SUSD1: variants seen among roughly 807,000 people sequenced by gnomAD.
SUSD1 encodes sushi domain containing 1.
In SUSD1, 65 loss-of-function variants were observed where a neutral mutation model predicts 86.9. The ratio of observed to expected loss-of-function variants is 0.75; its 90% confidence interval spans 0.61 to 0.92. The LOEUF (loss-of-function observed/expected upper bound fraction) is 0.92, where lower values mean the gene tolerates loss of function less well. SUSD1 is among the 40% of genes least tolerant of loss of function. The pLI is 0.00. For synonymous variants in SUSD1, 346 were observed against 350.0 expected (o/e 0.99, Z 0.13); for missense variants, 850 against 929.7 (o/e 0.91, Z 1.11).
At chr9:112,130,288 G>A (rs981270867) in intron 5 of SUSD1, among the ~76,000 whole-genome samples, 7 of 152,040 alleles carry the variant, frequency 4.6e-5, no homozygotes, top group African/African-American at 1.7e-4. Flanking sequence ...CAGGAGGATC[G>A]CTTGAACCTG....
intron 5 of SUSD1, among the ~76,000 whole-genome samples, chr9:112,125,974 T>G: frequency 6.6e-6 from 1 of 152,226 alleles, no homozygotes; most frequent in East Asian, 1.9e-4. Context: ...CCCACAGAGC[T>G]TTGGTTCCCT....
chr9:112,103,356 C>A (rs1216243604), intron 8 of SUSD1, among the ~76,000 whole-genome samples: 2 of 152,172 alleles, frequency 1.3e-5, no homozygotes, highest in Non-Finnish European at 2.9e-5. Context: ...TTTGTCTTCA[C>A]AACTTTTATT....
At chr9:112,143,695 T>A in intron 3 of SUSD1, 72 bp from the exon 4 acceptor site, 2 of 1,443,622 alleles carry the variant, frequency 1.4e-6, no homozygotes, top group South Asian at 2.8e-5. Flanking sequence ...GAGGATATTG[T>A]GACAGCCATT....
intron 5 of SUSD1, among the ~76,000 whole-genome samples, chr9:112,138,237 GTATATA>G (rs375674193): frequency 2.4e-4 from 1 of 4,152 alleles, no homozygotes; most frequent in Non-Finnish European, 3.6e-4. Flanking sequence ...AAAAAAATGT[GTATATA>G]TATATATATA....
intron 12 of SUSD1, among the ~76,000 whole-genome samples, chr9:112,075,213 C>A (rs1829465266): frequency 6.6e-6 from 1 of 151,862 alleles, no homozygotes; most frequent in African/African-American, 2.4e-5. Flanking sequence ...GTGGGGAATT[C>A]TTTCTGGTAG....
intron 10 of SUSD1, among the ~76,000 whole-genome samples, chr9:112,091,757 G>A (rs1390437079): frequency 6.6e-6 from 1 of 152,046 alleles, no homozygotes; most frequent in Non-Finnish European, 1.5e-5. Flanking sequence ...TTACATTTGG[G>A]GAGCAGTTTA....
intron 12 of SUSD1, among the ~76,000 whole-genome samples, chr9:112,068,338 A>G (rs1010487007): frequency 2.6e-5 from 4 of 152,162 alleles, no homozygotes; most frequent in Admixed American, 2.6e-4. Flanking sequence ...GAGTAGAAGT[A>G]GGTGGTCAAG....
rs749208036 is a variant in SUSD1, at chr9:112,058,678, T to A, written c.1859A>T (p.Gln620Leu). ...GAGGGCCAGGGGAAGCACTAACACC[T>A]GATATGAACTGGAAGAAAAAAGGAG... is the stretch of plus-strand genomic sequence containing the variant. ...KEKNGPISSY[Q>L]VLVLPLALQS... Residue 620 changes from glutamine (Q) to leucine (L), a missense_variant, in exon 14 of 17, where the codon CAG becomes CTG. Coordinates refer to ENST00000374270, the MANE Select transcript of SUSD1 (RefSeq NM_022486.5). 1.9e-6 allele frequency: 3 copies of A among 1,613,866 alleles called. No individual in the cohort carries two copies. Among genetic ancestry groups the A allele is most frequent in the African/African-American group, 2.7e-5 (2 of 74,904 alleles).
chr9:112,173,707 C>T, intron 1 of SUSD1: 1 of 408,182 alleles, frequency 2.4e-6, no homozygotes, highest in Non-Finnish European at 4.7e-6. Context: ...TAGGCAAGAG[C>T]TGACACCCTT....
At chr9:112,056,517 AT>A (rs1828456557) in intron 14 of SUSD1, among the ~76,000 whole-genome samples, 1 of 152,232 alleles carries the variant, frequency 6.6e-6, no homozygotes, top group African/African-American at 2.4e-5. Context: ...TTTTATTGTA[AT>A]TGTCACACAA....
chr9:112,091,401 G>A lies in SUSD1; in HGVS notation c.1474+7069C>T, dbSNP rs73658016. On this transcript the variant is annotated intron_variant, in intron 10 of 16. Coordinates refer to ENST00000374270, the MANE Select transcript of SUSD1 (RefSeq NM_022486.5). ...AAATTATGCATGCTGTTCAAAACCT[G>A]CAGCAGAAAGCCACCTTAAGAGTAA... 1.7e-3 allele frequency among the ~76,000 whole-genome samples: 255 copies of A among 152,288 alleles called. 2 individuals carry two copies. Among genetic ancestry groups the A allele is most frequent in the African/African-American group, 6.0e-3 (250 of 41,558 alleles).
At chr9:112,162,598 T>C (rs963075499) in intron 1 of SUSD1, among the ~76,000 whole-genome samples, 1 of 152,202 alleles carries the variant, frequency 6.6e-6, no homozygotes, top group African/African-American at 2.4e-5. Flanking sequence ...TATGATTCTA[T>C]TGAAACAATG....
intron 5 of SUSD1, among the ~76,000 whole-genome samples, chr9:112,137,061 G>T (rs746948478): frequency 2.0e-5 from 3 of 152,176 alleles, no homozygotes; most frequent in Non-Finnish European, 4.4e-5. Context: ...ATAAGCTCAT[G>T]ACATACAGTA....
intron 8 of SUSD1, chr9:112,105,058 G>T (rs1170193471): frequency 2.0e-5 from 3 of 152,098 alleles, no homozygotes; most frequent in South Asian, 4.1e-4. Context: ...ACAGCAGAGA[G>T]GAAACTGGTA....
chr9:112,081,210 G>T (rs773602025), intron 10 of SUSD1, among the ~76,000 whole-genome samples: 1 of 152,176 alleles, frequency 6.6e-6, no homozygotes, highest in Non-Finnish European at 1.5e-5. Flanking sequence ...GATGATTAAC[G>T]AGTGATAAAG....
At chr9:112,169,594 C>A (rs1203483894) in intron 1 of SUSD1, among the ~76,000 whole-genome samples, 1 of 151,968 alleles carries the variant, frequency 6.6e-6, no homozygotes, top group Non-Finnish European at 1.5e-5. Flanking sequence ...CTACGGTTCA[C>A]GTCAGGCAGT....
chr9:112,098,546 A>C lies in SUSD1; in HGVS notation c.1398T>G (p.Asp466Glu). ...VVCLDLYPTT[D>E]YTVNVTLLRS... Reference sequence around the variant, plus strand: ...TCAGCAGGGTCACATTCACCGTATAATCAGTCGTAGGGTACAGATCCAAAC... The same window carrying C: ...TCAGCAGGGTCACATTCACCGTATACTCAGTCGTAGGGTACAGATCCAAAC... Residue 466 changes from aspartate to glutamate, a missense_variant, in exon 10 of 17, where the codon GAT becomes GAG. Transcript: ENST00000374270. 1 of 1,614,210 alleles carries C rather than the reference A, an allele frequency of 6.2e-7. No individual in the cohort carries two copies. The highest frequency in any genetic ancestry group is 8.5e-7 in the Non-Finnish European group (1 of 1,180,016).
intron 1 of SUSD1, among the ~76,000 whole-genome samples, chr9:112,170,410 G>T (rs1262634342): frequency 6.6e-6 from 1 of 151,996 alleles, no homozygotes; most frequent in Non-Finnish European, 1.5e-5. Context: ...CCTGACTCTA[G>T]CAACGAATGC....
intron 8 of SUSD1, among the ~76,000 whole-genome samples, chr9:112,108,445 T>A (rs576670469): frequency 1.3e-5 from 2 of 151,564 alleles, no homozygotes; most frequent in Admixed American, 6.6e-5. Context: ...CTGTGCACCG[T>A]GACTCAAGAA....
Sources: gnomAD v4.1 joint callset for allele counts (sites outside exome capture counted in the v4.1 genomes callset) on GRCh38, gnomAD v4.1.1 for gene constraint, MANE v1.5 for transcripts, NCBI Gene and HGNC (gene_info 2026-07-23, HGNC 2026-07-21) for gene names.